RIMS2: variants seen among roughly 807,000 people sequenced by gnomAD.
RIMS2 encodes the protein regulating synaptic membrane exocytosis 2.
A neutral mutation model predicts 174.4 loss-of-function variants in RIMS2; 59 were observed. That is an observed-to-expected ratio of 0.34 (90% CI 0.27 to 0.42). The LOEUF is 0.42. RIMS2 is among the 10% of genes least tolerant of loss of function. The pLI is 1.00. For missense variants in RIMS2, 1,620 were observed against 1,666.3 expected (o/e 0.97, Z 0.48); for synonymous variants, 606 against 572.5 (o/e 1.06, Z -0.84).
At chr8:104,047,242 A>T (rs999041212) in intron 19 of RIMS2, among the ~76,000 whole-genome samples, 1 of 152,108 alleles carries the variant, frequency 6.6e-6, no homozygotes, top group Non-Finnish European at 1.5e-5. Context: ...TCTACATTGG[A>T]AATTAAAGGA....
intron 1 of RIMS2, among the ~76,000 whole-genome samples, chr8:103,560,742 G>A (rs1469269458): frequency 6.6e-6 from 1 of 152,126 alleles, no homozygotes; most frequent in Non-Finnish European, 1.5e-5. Flanking sequence ...TCAAGAATAA[G>A]TTTATTTCAG....
intron 14 of RIMS2, among the ~76,000 whole-genome samples, chr8:103,950,517 A>G (rs1421699691): frequency 6.6e-6 from 1 of 152,148 alleles, no homozygotes; most frequent in Non-Finnish European, 1.5e-5. Flanking sequence ...TATTAAACTA[A>G]AAAAGAAAAA....
At position 103,767,600 on chromosome 8, in the gene RIMS2, A is replaced by T. The variant is rs910425421; in HGVS notation, c.698+1063A>T. 5.3e-5 allele frequency among the ~76,000 whole-genome samples: 8 copies of T among 152,232 alleles called. 1 individual carries two copies. The highest frequency in any genetic ancestry group is 3.2e-3 in the Middle Eastern group (1 of 316). On this transcript the variant is annotated intron_variant, in intron 3 of 23. Transcript: ENST00000504942. Reference sequence around the variant, plus strand: ...TTCTGTGTTGAATAAGTACAAAGTCATGCATTCCTGCAGAAACAAATCTAA... The same window carrying T: ...TTCTGTGTTGAATAAGTACAAAGTCTTGCATTCCTGCAGAAACAAATCTAA...
In RIMS2 at chr8:103,585,363, C is replaced by T. The variant is rs556828742; in HGVS notation, c.176+84301C>T. ...TCTAGAACCAGAAATACTGTTTGAC[C>T]CAGCAATCCCATTACTGGGTATATA... On this transcript the variant is annotated intron_variant, in intron 1 of 23. Coordinates refer to ENST00000504942, the Ensembl canonical transcript of RIMS2. 1.2e-4 allele frequency among the ~76,000 whole-genome samples: 18 copies of T among 152,070 alleles called. No homozygotes were observed. In the South Asian group the frequency reaches 3.7e-3, roughly 32 times the overall value.
intron 1 of RIMS2, among the ~76,000 whole-genome samples, chr8:103,524,244 GAGTA>G (rs1476921089): frequency 6.7e-6 from 1 of 149,960 alleles, no homozygotes; most frequent in Non-Finnish European, 1.5e-5. Context: ...GTTGAAGAGA[GAGTA>G]TAGAGAATTG....
chr8:103,521,940 C>G (rs1473809419), intron 1 of RIMS2, among the ~76,000 whole-genome samples: 1 of 151,022 alleles, frequency 6.6e-6, no homozygotes, highest in East Asian at 1.9e-4. Context: ...TCTCTCATTT[C>G]TTTTCCACTC....
Position 103,669,027 on chromosome 8 carries a change from G to A in RIMS2, c.177-28059G>A, listed in dbSNP as rs572523933. Among the ~76,000 whole-genome samples the A allele has an allele frequency of 2.1e-3, 321 of 152,158 alleles. 2 individuals are homozygous for A. Among genetic ancestry groups the A allele is most frequent in the Non-Finnish European group, 2.9e-3 (200 of 68,004 alleles). On this transcript the variant is annotated intron_variant, in intron 1 of 23. Transcript: ENST00000504942. ...TCATAGTTTGTTAGTCTGTTTTCAC[G>A]CTGCCGATGAAGATATACCCAAGAC...
intron 19 of RIMS2, among the ~76,000 whole-genome samples, chr8:104,051,202 G>A (rs1477019365): frequency 2.6e-5 from 4 of 151,970 alleles, no homozygotes; most frequent in African/African-American, 9.7e-5. Flanking sequence ...TTGCAGCGCT[G>A]CACTCCAGCC....
intron 19 of RIMS2, among the ~76,000 whole-genome samples, chr8:104,135,455 A>T (rs564447129): frequency 2.0e-5 from 3 of 151,852 alleles, no homozygotes; most frequent in Non-Finnish European, 2.9e-5. Flanking sequence ...AAATAGAAAA[A>T]ATTAGTCAGG....
chr8:103,724,342 G>A (rs79122144), intron 2 of RIMS2, among the ~76,000 whole-genome samples: 4,727 of 152,094 alleles, frequency 0.031, 220 homozygotes, highest in African/African-American at 0.11. Flanking sequence ...CTCTTATTGT[G>A]TACTATTCTT....
chr8:103,955,760 G>T (rs1160464928), intron 14 of RIMS2, among the ~76,000 whole-genome samples: 1 of 152,260 alleles, frequency 6.6e-6, no homozygotes, highest in East Asian at 1.9e-4. Flanking sequence ...GGGCAATCAG[G>T]CAAGAGAAAG....
intron 1 of RIMS2, among the ~76,000 whole-genome samples, chr8:103,605,348 GC>G (rs949941073): frequency 2.2e-5 from 3 of 139,394 alleles, no homozygotes; most frequent in Non-Finnish European, 4.6e-5. Context: ...CAGGGATGAA[GC>G]CCACTTGATC....
At chr8:103,577,899 AC>A (rs1307753871) in intron 1 of RIMS2, among the ~76,000 whole-genome samples, 1 of 152,176 alleles carries the variant, frequency 6.6e-6, no homozygotes, top group Non-Finnish European at 1.5e-5. Flanking sequence ...TTTTGAAAAT[AC>A]TGAAATATGA....
intron 1 of RIMS2, among the ~76,000 whole-genome samples, chr8:103,565,782 G>C (rs1563803362): frequency 6.6e-6 from 1 of 152,166 alleles, no homozygotes; most frequent in African/African-American, 2.4e-5. Flanking sequence ...CTGAACACTG[G>C]TGAGACCTTG....
chr8:104,037,978 G>C (rs540553279), intron 19 of RIMS2, among the ~76,000 whole-genome samples: 3 of 152,142 alleles, frequency 2.0e-5, no homozygotes, highest in Non-Finnish European at 4.4e-5. Flanking sequence ...GTATTGAATA[G>C]AATAACATGC....
intron 3 of RIMS2, among the ~76,000 whole-genome samples, chr8:103,842,651 C>A (rs899646331): frequency 6.6e-6 from 1 of 152,148 alleles, no homozygotes; most frequent in Non-Finnish European, 1.5e-5. Context: ...ACATTTCTAC[C>A]ATGAACACGT....
intron 2 of RIMS2, among the ~76,000 whole-genome samples, chr8:103,732,670 G>A (rs2097619105): frequency 6.6e-6 from 1 of 152,090 alleles, no homozygotes; most frequent in South Asian, 2.1e-4. Context: ...AAGACAAAAT[G>A]TTTCCCACTC....
chr8:104,251,859 C>CAAAA (rs34085789), downstream of RIMS2: 1,155 of 708,040 alleles, frequency 1.6e-3, 2 homozygotes, highest in East Asian at 7.1e-3. Context: ...ACCAGCGTTA[C>CAAAA]AAAAAAAAAA....
chr8:103,790,197 A>G (rs540365104), intron 3 of RIMS2, among the ~76,000 whole-genome samples: 3 of 152,374 alleles, frequency 2.0e-5, no homozygotes, highest in African/African-American at 7.2e-5. Context: ...TATTACGACT[A>G]TCTAATTCCA....
Sources: allele counts gnomAD v4.1 joint callset (sites outside exome capture counted in the v4.1 genomes callset), GRCh38; gene constraint gnomAD v4.1.1; transcripts MANE v1.5; gene names NCBI Gene and HGNC (gene_info 2026-07-23, HGNC 2026-07-21).